The following TSEN54 variants were observed in gnomAD, a reference collection of about 807,000 sequenced individuals.
The protein encoded by TSEN54 is tRNA splicing endonuclease subunit 54.
A neutral mutation model predicts 61.9 loss-of-function variants in TSEN54; 55 were observed. The ratio of observed to expected loss-of-function variants is 0.89; its 90% CI spans 0.72 to 1.11. TSEN54 has a LOEUF of 1.11. TSEN54 is among the 50% of genes most tolerant of loss of function. The pLI, the probability that TSEN54 is intolerant of heterozygous loss-of-function variation, is 0.00. For synonymous variants in TSEN54, 304 were observed against 288.7 expected (o/e 1.05, Z -0.54); for missense variants, 760 against 687.7 (o/e 1.11, Z -1.18).
At chr17:75,519,551 T>C (rs1460819903) in intron 6 of TSEN54, among the ~76,000 whole-genome samples, 1 of 152,208 alleles carries the variant, frequency 6.6e-6, no homozygotes, top group African/African-American at 2.4e-5. Context: ...ACAAAAGCTC[T>C]AAAGCAGGCA....
chr17:75,517,444 C>A (rs1463848343), intron 4 of TSEN54, 113 bp from the exon 5 acceptor site: 4 of 1,213,368 alleles, frequency 3.3e-6, no homozygotes, highest in South Asian at 2.4e-5. Context: ...TGGCCACATT[C>A]TTGATGCGCT....
Position 75,517,601 on chromosome 17 carries a change from G to A in TSEN54, c.414G>A (p.Gln138=), listed in dbSNP as rs2147007890. 1.2e-6 allele frequency: 2 copies of A among 1,613,876 alleles called. No homozygotes were observed. Among genetic ancestry groups the A allele is most frequent in the East Asian group, 4.5e-5 (2 of 44,874 alleles). Residue 138 remains glutamine (Q), a synonymous_variant, in exon 5 of 11, where the codon CAG becomes CAA. Coordinates refer to ENST00000333213, the MANE Select transcript of TSEN54 (RefSeq NM_207346.3). Reference sequence around the variant, plus strand: ...ACCAAGACCTGCCACTGTCTATCCAGGAAGCTTACCAGCTGCTGCTGACCG... The same window carrying A: ...ACCAAGACCTGCCACTGTCTATCCAAGAAGCTTACCAGCTGCTGCTGACCG... ...LFHQDLPLSI[Q]EAYQLLLTDH...
Position 75,524,612 on chromosome 17 carries a change from T to G in TSEN54, c.*200T>G, listed in dbSNP as rs1598480818. 2 of 722,122 alleles carry G rather than the reference T, an allele frequency of 2.8e-6. No homozygotes were observed. The highest frequency in any genetic ancestry group is 2.4e-6 in the Non-Finnish European group (1 of 409,776). The allele number at this position is 722,122 out of a possible 1,614,324, so 44.7% of individuals were successfully genotyped here. ...CCCTGCTGCCTTGCAGTGACCCCTC[T>G]GGAACTCAGGACTCGATTTTAAGGA... is the stretch of plus-strand genomic sequence containing the variant. On this transcript the variant is annotated 3_prime_UTR_variant, in exon 11 of 11. Coordinates refer to ENST00000333213, the MANE Select transcript of TSEN54 (RefSeq NM_207346.3).
intron 4 of TSEN54, 52 bp from the exon 5 acceptor site, chr17:75,517,505 C>T: frequency 6.6e-7 from 1 of 1,513,336 alleles, no homozygotes; most frequent in Non-Finnish European, 9.2e-7. Flanking sequence ...CCCCATTCCT[C>T]TGTGGCACTG....
chr17:75,518,666 G>A (rs1265744080), intron 5 of TSEN54: 17 of 985,310 alleles, frequency 1.7e-5, no homozygotes, highest in Middle Eastern at 5.2e-4. Context: ...CATGGTGATC[G>A]GCAGCTTCAC....
chr17:75,524,229 G>C, intron 10 of TSEN54, 33 bp from the exon 11 acceptor site: 2 of 1,613,956 alleles, frequency 1.2e-6, no homozygotes, highest in Non-Finnish European at 1.7e-6. Flanking sequence ...GTGGGCTATG[G>C]CTGGGTCTCA....
chr17:75,517,755 G>A (rs2053389485), intron 5 of TSEN54, 100 bp downstream of exon 5: 3 of 1,072,602 alleles, frequency 2.8e-6, no homozygotes, highest in Non-Finnish European at 4.3e-6. Flanking sequence ...ACATGCTGGG[G>A]CTGCAGGGCA....
At chr17:75,523,534 A>G (rs1254683814) in intron 9 of TSEN54, 129 bp from the exon 10 acceptor site, 5 of 1,608,264 alleles carry the variant, frequency 3.1e-6, no homozygotes, top group Admixed American at 3.4e-5. Flanking sequence ...CCAAGGGTTC[A>G]GAGCCCCCAA....
chr17:75,524,596 C>T lies in TSEN54; in HGVS notation c.*184C>T. On this transcript the variant is annotated 3_prime_UTR_variant, in exon 11 of 11. Transcript: ENST00000333213. ...TGTGACCCTCTCCCTTCCCTGCTGC[C>T]TTGCAGTGACCCCTCTGGAACTCAG... 1 of 772,760 alleles carries T rather than the reference C, an allele frequency of 1.3e-6. No homozygotes were observed. The highest frequency in any genetic ancestry group is 2.0e-5 in the Admixed American group (1 of 49,954). The allele number at this position is 772,760 out of a possible 1,614,324, so 47.9% of individuals were successfully genotyped here.
chr17:75,518,246 G>A (rs1478056726), intron 5 of TSEN54, among the ~76,000 whole-genome samples: 1 of 152,182 alleles, frequency 6.6e-6, no homozygotes, highest in African/African-American at 2.4e-5. Context: ...GTGAGGAGAG[G>A]TCAAGGCTAG....
At chr17:75,521,650 G>A (rs564198332) in intron 7 of TSEN54, 55 bp from the exon 8 acceptor site, 9 of 1,592,692 alleles carry the variant, frequency 5.7e-6, no homozygotes, top group Admixed American at 3.3e-5. Flanking sequence ...CCCATGGGAC[G>A]TGTGCACCTT....
At chr17:75,517,097 G>A (rs530852909) in intron 3 of TSEN54, 25 bp downstream of exon 3, 2 of 1,577,626 alleles carry the variant, frequency 1.3e-6, no homozygotes, top group Admixed American at 1.8e-5. Context: ...CGGGGACCGG[G>A]GACCGCCCTC....
In TSEN54 at chr17:75,519,057, C is replaced by T. The variant is rs202167465; in HGVS notation, c.521+10C>T. 8.7e-6 allele frequency: 14 copies of T among 1,613,998 alleles called. No individual in the cohort carries two copies. In the Admixed American group the frequency reaches 2.0e-4, roughly 23 times the overall value. ...GACGATTCCAACCAAGGTAAATCCC[C>T]TTCCTGTTCCCCTTCCATATATTCT... On this transcript the variant is annotated intron_variant, in intron 6 of 10. Coordinates refer to ENST00000333213, the MANE Select transcript of TSEN54 (RefSeq NM_207346.3).
chr17:75,517,409 A>T lies in TSEN54; in HGVS notation c.370-148A>T, dbSNP rs112181254. ...GGGAGCAGGGATTCCAGTCCACATTAGTGATGCTGCCCCACTTTCCTGGTT... is the reference window on the plus strand; with the variant it reads ...GGGAGCAGGGATTCCAGTCCACATTTGTGATGCTGCCCCACTTTCCTGGTT... On this transcript the variant is annotated intron_variant, in intron 4 of 10. Transcript: ENST00000333213. The T allele has an allele frequency of 1.2e-3, 1,320 of 1,135,142 alleles. 13 individuals carry two copies. The African/African-American group carries it at 0.018, about 15-fold the overall frequency. The allele number at this position is 1,135,142 out of a possible 1,614,324, so 70.3% of individuals were successfully genotyped here. A position where few individuals can be genotyped will look rare whatever the true frequency, so the allele number is the denominator to read the frequency against.
At chr17:75,517,528 A>G (rs1431482609) in intron 4 of TSEN54, 29 bp from the exon 5 acceptor site, 24 of 1,594,676 alleles carry the variant, frequency 1.5e-5, no homozygotes, top group Non-Finnish European at 2.1e-5. Context: ...GTGAGGGCTC[A>G]TAAGCTGAGC....
At position 75,521,917 on chromosome 17, in the gene TSEN54, G is replaced by C. The variant is rs2053431061; in HGVS notation, c.836G>C (p.Trp279Ser). 6.2e-7 allele frequency: 1 copy of C among 1,610,328 alleles called. No individual in the cohort carries two copies. The highest frequency in any genetic ancestry group is 8.5e-7 in the Non-Finnish European group (1 of 1,178,848). ...GCCAGGGAGGGGGTGGGGTGCAGCT[G>C]GGAGAGTGGCAGAGCCGAGAACGGA... is the stretch of plus-strand genomic sequence containing the variant. ...GPAREGVGCS[W>S]ESGRAENGVT... Residue 279 changes from tryptophan (W) to serine (S), a missense_variant, in exon 8 of 11, where the codon TGG becomes TCG. Coordinates refer to ENST00000333213, the MANE Select transcript of TSEN54 (RefSeq NM_207346.3).
chr17:75,521,835 A>G lies in TSEN54; in HGVS notation c.754A>G (p.Lys252Glu). Residue 252 changes from lysine to glutamate, a missense_variant, in exon 8 of 11, where the codon AAG becomes GAG. Lys to Glu is a moderately conservative substitution (Grantham distance 56). This residue lies in a region of TSEN54 where 667 missense variants were observed against 577.8 expected (regional missense o/e 1.15). Coordinates refer to ENST00000333213, the MANE Select transcript of TSEN54 (RefSeq NM_207346.3). ...GAAACCCCAGGAGTCAAGCCCCATG[A>G]AGGGCCCAGGGGGCCCCTTTCAGCT... ...EEKPQESSPM[K>E]GPGGPFQLLG... 1 of 1,612,628 alleles carries G rather than the reference A, an allele frequency of 6.2e-7. No homozygotes were observed. Among genetic ancestry groups the G allele is most frequent in the Non-Finnish European group, 8.5e-7 (1 of 1,179,824 alleles).
At chr17:75,522,664 TGAAA>T (rs1176785459) in intron 8 of TSEN54, 2 of 696,802 alleles carry the variant, frequency 2.9e-6, no homozygotes, top group South Asian at 2.5e-5. Flanking sequence ...CTTGGCCAAG[TGAAA>T]GAAAGGCTTG....
At chr17:75,523,875 ATC>A in intron 10 of TSEN54, 96 bp downstream of exon 10, 1 of 1,381,164 alleles carries the variant, frequency 7.2e-7, no homozygotes, top group Non-Finnish European at 1.0e-6. Context: ...CAGCGTGCCA[ATC>A]TCTGAGAGGA....
Sources: gnomAD v4.1 joint callset for allele counts (sites outside exome capture counted in the v4.1 genomes callset) on GRCh38, gnomAD v4.1.1 for gene constraint, gnomAD v4.1.1 regional missense constraint, MANE v1.5 for transcripts, NCBI Gene and HGNC (gene_info 2026-07-23, HGNC 2026-07-21) for gene names.